Variants in PEAR1 observed in about 807,000 individuals in gnomAD.
The protein encoded by PEAR1 is platelet endothelial aggregation receptor 1.
Under a neutral mutation model 131.2 loss-of-function variants are expected in PEAR1, and 113 were observed. That is an observed-to-expected ratio of 0.86 (90% CI 0.74 to 1.01). The LOEUF (loss-of-function observed/expected upper bound fraction) is 1.01, where lower values mean the gene tolerates loss of function less well. PEAR1 is among the 50% of genes least tolerant of loss of function. PEAR1 has a pLI of 0.00. For synonymous variants in PEAR1, 565 were observed against 523.3 expected (o/e 1.08, Z -1.09); for missense variants, 1,408 against 1,391.1 (o/e 1.01, Z -0.19).
intron 11 of PEAR1, 62 bp from the exon 12 acceptor site, chr1:156,909,689 C>A: frequency 1.9e-6 from 3 of 1,541,328 alleles, no homozygotes; most frequent in Non-Finnish European, 2.6e-6. Context: ...CCAGCTCCCA[C>A]TGTGTGCTTG....
chr1:156,913,788 T>A lies in PEAR1; in HGVS notation c.2713+28T>A, dbSNP rs773344074. 3 of 1,612,204 alleles carry A rather than the reference T, an allele frequency of 1.9e-6. No homozygotes were observed. In the Admixed American group the frequency reaches 5.0e-5, roughly 27 times the overall value. ...ATGGGCACAGGGGCAACAAGGGAGG[T>A]GGCTGAGCTGGGGCTGAGGAACCAG... On this transcript the variant is annotated intron_variant, in intron 21 of 22. Transcript: ENST00000292357.
At position 156,910,759 on chromosome 1, in the gene PEAR1, T is replaced by A. The variant is rs781657663; in HGVS notation, c.1951+16T>A. On this transcript the variant is annotated intron_variant, in intron 15 of 22. Transcript: ENST00000292357. The stretch of plus-strand genomic sequence containing the variant: ...TGCTCCCAGCGTATGTGGTAGCTTG[T>A]GTGTCTGAGCATACGTGCATGCTGA... The A allele has an allele frequency of 3.7e-6, 6 of 1,613,772 alleles. No homozygotes were observed. The highest frequency in any genetic ancestry group is 1.3e-5 in the African/African-American group (1 of 74,948).
At position 156,914,806 on chromosome 1, in the gene PEAR1, G is replaced by A. The variant is rs1651714946; in HGVS notation, c.*8G>A. On this transcript the variant is annotated 3_prime_UTR_variant, in exon 23 of 23. Coordinates refer to ENST00000292357, the MANE Select transcript of PEAR1 (RefSeq NM_001080471.3). ...CGACGCCAGGACCGTTGAGGAGCCA[G>A]GATGGTATGGCAGAGGCCAGCACAC... 1 of 1,613,442 alleles carries A rather than the reference G, an allele frequency of 6.2e-7. No homozygotes were observed. The highest frequency in any genetic ancestry group is 1.3e-5 in the African/African-American group (1 of 74,924).
chr1:156,905,014 A>G, intron 3 of PEAR1, 162 bp downstream of exon 3: 1 of 1,536,684 alleles, frequency 6.5e-7, no homozygotes, highest in Non-Finnish European at 8.8e-7. Flanking sequence ...TGTGTATGGG[A>G]TGTATATGTG....
chr1:156,904,236 G>C (rs1649981597), intron 2 of PEAR1, among the ~76,000 whole-genome samples: 1 of 152,084 alleles, frequency 6.6e-6, no homozygotes, highest in South Asian at 2.1e-4. Context: ...CCTTGTCTCA[G>C]TCTCTGAACC....
rs188000720 is a variant in PEAR1, at chr1:156,901,258, C to G, written c.-9-2660C>G. ...CCCACCCTTCCAGCCAGCTAACCTC[C>G]CAGCCAGCCAGAAGTGGGTGGGGAT... On this transcript the variant is annotated intron_variant, in intron 1 of 22. Transcript: ENST00000292357. Among the ~76,000 whole-genome samples the G allele has an allele frequency of 1.1e-4, 16 of 152,324 alleles. No homozygotes were observed. The East Asian group carries it at 2.9e-3, about 28-fold the overall frequency.
chr1:156,908,029 G>A lies in PEAR1; in HGVS notation c.880G>A (p.Ala294Thr). Residue 294 changes from alanine (A) to threonine (T), a missense_variant, in exon 8 of 23, where the codon GCT (alanine) becomes ACT (threonine). Physicochemically the swap from Ala to Thr is moderately conservative, Grantham distance 58. Coordinates refer to ENST00000292357, the MANE Select transcript of PEAR1 (RefSeq NM_001080471.3). This position sits in a 1 kb window ranked among gnomAD's most constrained non-coding sequence, Gnocchi z 4.2. ...CDRFTGQCRC[A>T]PGYTGDRCRE... ...CCGATTCACTGGGCAGTGCCGCTGC[G>A]CTCCGGGTTACACTGGGGATCGGTG... The A allele has an allele frequency of 6.4e-7, 1 of 1,573,360 alleles. No individual in the cohort carries two copies. Among genetic ancestry groups the A allele is most frequent in the South Asian group, 1.2e-5 (1 of 86,270 alleles).
At chr1:156,911,268 TCC>T (rs202213403) in intron 15 of PEAR1, among the ~76,000 whole-genome samples, 1 of 143,590 alleles carries the variant, frequency 7.0e-6, no homozygotes, top group African/African-American at 2.7e-5. Flanking sequence ...TTTCTCTCCC[TCC>T]CTCTCTCTTT....
intron 15 of PEAR1, among the ~76,000 whole-genome samples, chr1:156,911,877 A>G (rs1651247131): frequency 6.6e-6 from 1 of 152,210 alleles, no homozygotes; most frequent in Admixed American, 6.5e-5. Context: ...CTAGTGTTAG[A>G]CACACAAAAA....
rs1244480787 is a variant in PEAR1 at position 156,907,678 on chromosome 1, G to A, written c.713G>A (p.Gly238Glu). Residue 238 changes from glycine to glutamate, a missense_variant, in exon 7 of 23, where the codon GGA becomes GAA. Gly to Glu is a moderately conservative substitution (Grantham distance 98). Coordinates refer to ENST00000292357, the MANE Select transcript of PEAR1 (RefSeq NM_001080471.3). ...FCPSTHSCQN[G>E]GVFQTPQGSC... is the part of the protein sequence containing the mutation. ...CCCAGCACCCATTCTTGCCAAAATG[G>A]AGGTGTCTTCCAAACCCCACAGGGC... 1 of 1,613,836 alleles carries A rather than the reference G, an allele frequency of 6.2e-7. No individual in the cohort carries two copies. Among genetic ancestry groups the A allele is most frequent in the South Asian group, 1.1e-5 (1 of 91,062 alleles).
At chr1:156,906,189 T>C in intron 4 of PEAR1, 87 bp from the exon 5 acceptor site, 1 of 1,242,730 alleles carries the variant, frequency 8.0e-7, no homozygotes, top group Middle Eastern at 1.9e-4. Flanking sequence ...TCCCTGGTTT[T>C]GGAGGAAGGT....
intron 15 of PEAR1, 49 bp downstream of exon 15, chr1:156,910,792 T>A (rs1332520806): frequency 3.7e-6 from 6 of 1,607,074 alleles, no homozygotes; most frequent in Non-Finnish European, 5.1e-6. Flanking sequence ...TGAGAGGGGG[T>A]GCTGAGGACG....
At chr1:156,896,915 T>C (rs1649222670) in intron 1 of PEAR1, among the ~76,000 whole-genome samples, 1 of 152,222 alleles carries the variant, frequency 6.6e-6, no homozygotes. Flanking sequence ...AAAAGTTCTT[T>C]CTGCATTCCA....
At chr1:156,913,571 C>T (rs1398958202) in intron 20 of PEAR1, 48 bp downstream of exon 20, 4 of 1,606,224 alleles carry the variant, frequency 2.5e-6, no homozygotes, top group Non-Finnish European at 3.4e-6. Flanking sequence ...ATGTGTGCAG[C>T]CCAGATGCCG....
At chr1:156,906,579 G>A (rs1216454285) in intron 5 of PEAR1, 58 bp from the exon 6 acceptor site, 1 of 1,601,018 alleles carries the variant, frequency 6.2e-7, no homozygotes, top group East Asian at 2.2e-5. Flanking sequence ...ACAGAGACGG[G>A]GAGGCTGGGG....
At position 156,905,412 on chromosome 1, in the gene PEAR1, G is replaced by A. The variant is rs1433363064; in HGVS notation, c.295G>A (p.Gly99Arg). 1.2e-6 allele frequency: 2 copies of A among 1,605,088 alleles called. No homozygotes were observed. The highest frequency in any genetic ancestry group is 3.4e-5 in the Admixed American group (2 of 58,816). ...CTGCCATGGCTTCTATGAGAGCAGG[G>A]GGTTCTGTGTCCGTGAGTCCAGGGT... is the stretch of plus-strand genomic sequence containing the variant. ...QCCHGFYESR[G>R]FCVPLCAQEC... The change falls in exon 4 of 23, where the codon GGG becomes AGG. Residue 99 changes from glycine (G) to arginine (R), a missense_variant. Physicochemically the swap from Gly to Arg is moderately radical, Grantham distance 125. Transcript: ENST00000292357.
At chr1:156,895,840 G>A (rs1649107275) in intron 1 of PEAR1, among the ~76,000 whole-genome samples, 1 of 152,214 alleles carries the variant, frequency 6.6e-6, no homozygotes, top group Non-Finnish European at 1.5e-5. Flanking sequence ...CAGCATTTTG[G>A]GAGGCCAAGG....
chr1:156,908,291 GGTC>G lies in PEAR1; in HGVS notation c.1067_1069del (p.Gly356_Leu357delinsVal). 6.3e-7 allele frequency: 1 copy of G among 1,575,642 alleles called. No individual in the cohort carries two copies. The highest frequency in any genetic ancestry group is 8.6e-7 in the Non-Finnish European group (1 of 1,165,436). On this transcript the variant is annotated inframe_deletion, in exon 9 of 23. Transcript: ENST00000292357. The surrounding 1 kb of genome is among the most constrained non-coding windows in gnomAD (Gnocchi z 4.2). ...TCGCCTCTGCCCCGACGGCTTCTAC[GGTC>G]TCAGCTGCCAGGCCCCCTGCACCTG... is the stretch of plus-strand genomic sequence containing the variant.
chr1:156,897,005 T>A (rs1332818428), intron 1 of PEAR1, among the ~76,000 whole-genome samples: 1 of 152,076 alleles, frequency 6.6e-6, no homozygotes, highest in Admixed American at 6.5e-5. Context: ...CTGTCTGGAG[T>A]ACGGGGAGAA....
Sources: allele counts gnomAD v4.1 joint callset (sites outside exome capture counted in the v4.1 genomes callset), GRCh38; gene constraint gnomAD v4.1.1; non-coding constraint Gnocchi (gnomAD v3.1); transcripts MANE v1.5; gene names NCBI Gene and HGNC (gene_info 2026-07-23, HGNC 2026-07-21).